Variants in AXDND1 observed in about 807,000 individuals in gnomAD.
AXDND1 encodes axonemal dynein light chain domain-containing protein 1.
In AXDND1, 110 loss-of-function variants were observed where a neutral mutation model predicts 137.5. The observed-to-expected ratio is 0.80, with a 90% confidence interval of 0.69 to 0.94. AXDND1 has a LOEUF of 0.94. Among genes scored for constraint, AXDND1 ranks in the 40% least tolerant of loss-of-function variants. AXDND1 has a pLI of 0.00. For missense variants in AXDND1, 1,191 were observed against 1,169.8 expected (o/e 1.02, Z -0.26); for synonymous variants, 414 against 399.7 (o/e 1.04, Z -0.43).
At chr1:179,517,655 C>T (rs749615328) in intron 21 of AXDND1, among the ~76,000 whole-genome samples, 1 of 152,210 alleles carries the variant, frequency 6.6e-6, no homozygotes, top group Non-Finnish European at 1.5e-5. Context: ...GTATTTTGCT[C>T]GGCTCTCTAA....
intron 6 of AXDND1, among the ~76,000 whole-genome samples, chr1:179,382,373 G>A (rs1042627369): frequency 6.6e-6 from 1 of 152,174 alleles, no homozygotes; most frequent in Non-Finnish European, 1.5e-5. Context: ...GAGCCACCAT[G>A]CCCGGCCCAT....
At chr1:179,509,244 G>A (rs1668801292) in intron 20 of AXDND1, 52 bp from the exon 21 acceptor site, 7 of 1,124,510 alleles carry the variant, frequency 6.2e-6, no homozygotes, top group Non-Finnish European at 8.0e-6. Flanking sequence ...CAATAGCGGT[G>A]AGTGAATAAA....
intron 15 of AXDND1, among the ~76,000 whole-genome samples, chr1:179,442,643 TC>T (rs1264770755): frequency 4.5e-4 from 68 of 152,230 alleles, no homozygotes; most frequent in African/African-American, 1.5e-3. Flanking sequence ...AACTTCCCAT[TC>T]CCATTACTTC....
At chr1:179,421,444 C>T (rs1242254465) in intron 12 of AXDND1, among the ~76,000 whole-genome samples, 1 of 133,872 alleles carries the variant, frequency 7.5e-6, no homozygotes, top group Non-Finnish European at 1.5e-5. Context: ...AGTGGGGTGG[C>T]GTGATCTCAG....
chr1:179,431,450 A>C (rs968890476), intron 14 of AXDND1, among the ~76,000 whole-genome samples: 2 of 144,250 alleles, frequency 1.4e-5, no homozygotes, highest in African/African-American at 2.5e-5. Flanking sequence ...CCTGGACTAG[A>C]TGATTTCTAA....
Position 179,432,294 on chromosome 1 carries a change from G to C in AXDND1, c.1515G>C (p.Lys505Asn). 1.3e-6 allele frequency: 2 copies of C among 1,567,788 alleles called. No individual in the cohort carries two copies. The highest frequency in any genetic ancestry group is 2.4e-5 in the South Asian group (2 of 84,838). The change falls in exon 15 of 26, where the codon AAG becomes AAC. Residue 505 changes from lysine (K) to asparagine (N), a missense_variant. Transcript: ENST00000367618. Reference protein sequence around the residue: ...FNEKDILSPNKGNIFNSVLLD... With the variant: ...FNEKDILSPNNGNIFNSVLLD... ...AAAAAGACATTTTATCCCCTAATAA[G>C]GGAAATATATTTAATTCAGTTCTTT... is the stretch of plus-strand genomic sequence containing the variant.
Position 179,489,030 on chromosome 1 carries a change from G to C in AXDND1, c.2092-2508G>C, listed in dbSNP as rs1424194822. 3.4e-5 allele frequency among the ~76,000 whole-genome samples: 5 copies of C among 147,496 alleles called. 1 individual carries two copies. Among genetic ancestry groups the C allele is most frequent in the African/African-American group, 5.2e-5 (2 of 38,358 alleles). ...TTACAGGTGTGAGCTACCACACCTG[G>C]CACATTTATTTCTTAATATCAGCTA... is the stretch of plus-strand genomic sequence containing the variant. On this transcript the variant is annotated intron_variant, in intron 18 of 25. Coordinates refer to ENST00000367618, the MANE Select transcript of AXDND1 (RefSeq NM_144696.6).
chr1:179,533,914 A>AT (rs1425763327), intron 24 of AXDND1, 37 bp downstream of exon 24: 2 of 1,573,364 alleles, frequency 1.3e-6, no homozygotes, highest in Admixed American at 3.4e-5. Context: ...GAGGATGAAA[A>AT]TGGCTGGCCA....
At chr1:179,548,006 G>C (rs1378088145) in intron 25 of AXDND1, among the ~76,000 whole-genome samples, 1 of 152,024 alleles carries the variant, frequency 6.6e-6, no homozygotes, top group Non-Finnish European at 1.5e-5. Context: ...CTATGATCCC[G>C]AACAGCTGTG....
chr1:179,460,624 C>T (rs1443914594), intron 16 of AXDND1, among the ~76,000 whole-genome samples: 4 of 152,222 alleles, frequency 2.6e-5, no homozygotes, highest in Non-Finnish European at 5.9e-5. Flanking sequence ...GGAATCGCCA[C>T]ACTGTCTTCC....
chr1:179,509,808 A>G (rs4111173), intron 21 of AXDND1, among the ~76,000 whole-genome samples: 4,911 of 147,896 alleles, frequency 0.033, 292 homozygotes, highest in African/African-American at 0.11. Flanking sequence ...CCTCTTTAAT[A>G]TCTTCTCTAA....
intron 16 of AXDND1, among the ~76,000 whole-genome samples, chr1:179,467,311 T>C (rs1337991703): frequency 6.6e-6 from 1 of 152,156 alleles, no homozygotes; most frequent in African/African-American, 2.4e-5. Context: ...AGCAATAATA[T>C]AGTTATTGAT....
intron 21 of AXDND1, among the ~76,000 whole-genome samples, chr1:179,519,721 G>A (rs796574004): frequency 5.9e-5 from 9 of 152,026 alleles, no homozygotes; most frequent in African/African-American, 2.2e-4. Flanking sequence ...TTATTTCTGG[G>A]TTCTCCATTT....
intron 16 of AXDND1, among the ~76,000 whole-genome samples, chr1:179,457,703 A>C (rs1661617917): frequency 6.6e-6 from 1 of 152,220 alleles, no homozygotes; most frequent in Non-Finnish European, 1.5e-5. Flanking sequence ...TTGCTTGTTA[A>C]GGAAGGGAGC....
intron 20 of AXDND1, among the ~76,000 whole-genome samples, chr1:179,508,828 A>C (rs1668768307): frequency 6.6e-6 from 1 of 152,114 alleles, no homozygotes; most frequent in African/African-American, 2.4e-5. Flanking sequence ...CAGTTTCCTC[A>C]TCTTAAAAAA....
In AXDND1 at chr1:179,535,030, A is replaced by G. The variant is rs781483902; in HGVS notation, c.3031+68A>G. On this transcript the variant is annotated intron_variant, in intron 25 of 25. Transcript: ENST00000367618. ...TGAAAGAAAATTTGACTGGGCCACAAATATTGTAGAAGAACATTAATATAT... is the reference window on the plus strand; with the variant it reads ...TGAAAGAAAATTTGACTGGGCCACAGATATTGTAGAAGAACATTAATATAT... The G allele has an allele frequency of 8.2e-6, 13 of 1,592,632 alleles. No homozygotes were observed. The African/African-American group carries it at 1.1e-4, about 13-fold the overall frequency.
At position 179,523,450 on chromosome 1, in the gene AXDND1, A is replaced by C. The variant is rs184016192; in HGVS notation, c.2497-1884A>C. Reference sequence around the variant, plus strand: ...GTAATAGTTTGTGGTATATTCACAAAGTTGTACAGTGATAATCACTATTGA... The same window carrying C: ...GTAATAGTTTGTGGTATATTCACAACGTTGTACAGTGATAATCACTATTGA... On this transcript the variant is annotated intron_variant, in intron 21 of 25. Transcript: ENST00000367618. Among the ~76,000 whole-genome samples the C allele has an allele frequency of 3.4e-4, 52 of 152,298 alleles. No individual in the cohort carries two copies. The East Asian group carries it at 0.01, about 29-fold the overall frequency.
At chr1:179,470,160 T>A (rs1663746181) in intron 17 of AXDND1, among the ~76,000 whole-genome samples, 1 of 152,202 alleles carries the variant, frequency 6.6e-6, no homozygotes, top group South Asian at 2.1e-4. Flanking sequence ...TTCTATCACA[T>A]TGATCTATAT....
chr1:179,415,637 C>T (rs932208309), intron 12 of AXDND1, among the ~76,000 whole-genome samples: 9 of 152,074 alleles, frequency 5.9e-5, no homozygotes, highest in East Asian at 1.9e-4. Context: ...TTTTAGCAGT[C>T]GCTTCTCATT....
Sources: gnomAD v4.1 joint callset for allele counts (sites outside exome capture counted in the v4.1 genomes callset) on GRCh38, gnomAD v4.1.1 for gene constraint, MANE v1.5 for transcripts, NCBI Gene and HGNC (gene_info 2026-07-23, HGNC 2026-07-21) for gene names.